The following RALY variants were observed in gnomAD, a reference collection of about 807,000 sequenced individuals.
RALY encodes RALY heterogeneous nuclear ribonucleoprotein.
RALY carries 15 observed loss-of-function variants against 30.7 expected under a neutral mutation model. The ratio of observed to expected loss-of-function variants is 0.49; its 90% confidence interval spans 0.33 to 0.75. The LOEUF (loss-of-function observed/expected upper bound fraction) is 0.75. RALY is among the 30% of genes least tolerant of loss of function. The probability of loss-of-function intolerance (pLI) is 0.02; values close to 1 mark genes in which losing one functional copy is unlikely to be tolerated. For missense variants in RALY, 339 were observed against 414.3 expected, an observed-to-expected ratio of 0.82 and a Z score of 1.58; for synonymous variants, 177 against 170.8, an observed-to-expected ratio of 1.04 and a Z score of -0.28.
intron 1 of RALY, among the ~76,000 whole-genome samples, chr20:34,007,315 A>G (rs907956466): frequency 1.3e-5 from 2 of 152,006 alleles, no homozygotes; most frequent in Non-Finnish European, 2.9e-5. Flanking sequence ...AGGTCAAGAG[A>G]TCAAGACCAT....
At chr20:34,069,061 C>T (rs1010974333) in intron 2 of RALY, among the ~76,000 whole-genome samples, 5 of 152,212 alleles carry the variant, frequency 3.3e-5, no homozygotes, top group Admixed American at 2.6e-4. Context: ...CAACCACATA[C>T]ATACACTTCC....
intron 1 of RALY, among the ~76,000 whole-genome samples, chr20:34,009,902 A>G (rs2031325634): frequency 6.6e-6 from 1 of 152,086 alleles, no homozygotes; most frequent in Non-Finnish European, 1.5e-5. Flanking sequence ...GCTTGCCACC[A>G]AGGTCCAGCC....
chr20:34,014,272 A>G (rs1486318680), intron 1 of RALY, among the ~76,000 whole-genome samples: 1 of 152,174 alleles, frequency 6.6e-6, no homozygotes, highest in Non-Finnish European at 1.5e-5. Flanking sequence ...ACCTACTGGC[A>G]GTTGGATTCA....
intron 1 of RALY, among the ~76,000 whole-genome samples, chr20:34,014,786 C>G (rs189080512): frequency 6.6e-5 from 10 of 152,260 alleles, no homozygotes; most frequent in Admixed American, 6.5e-4. Context: ...TACATTTAAA[C>G]TTTTTTCTTT....
rs755080874 is a variant in RALY at position 34,061,348 on chromosome 20, G to GT, written c.-9-10712dup. ...ACAAGAAAAGGAAAAAAATTGGATAGTTTTTTGTAAATTAGTCTGACACCA... is the reference window on the plus strand; with the variant it reads ...ACAAGAAAAGGAAAAAAATTGGATAGTTTTTTTGTAAATTAGTCTGACACCA... On this transcript the variant is annotated intron_variant, in intron 2 of 9. Coordinates refer to ENST00000246194, the MANE Select transcript of RALY (RefSeq NM_016732.3). 1.3e-4 allele frequency among the ~76,000 whole-genome samples: 20 copies of GT among 152,318 alleles called. 2 individuals carry two copies. The East Asian group carries it at 1.5e-3, about 12-fold the overall frequency.
intron 1 of RALY, among the ~76,000 whole-genome samples, chr20:34,021,328 A>G (rs906519282): frequency 3.3e-5 from 5 of 152,130 alleles, no homozygotes; most frequent in Non-Finnish European, 7.4e-5. Flanking sequence ...GTCATTTACA[A>G]ACAATAGAAG....
chr20:34,043,401 G>A (rs985909753), intron 2 of RALY, among the ~76,000 whole-genome samples: 3 of 152,100 alleles, frequency 2.0e-5, no homozygotes, highest in Non-Finnish European at 4.4e-5. Context: ...TACCACCCAA[G>A]GCCAGATCTT....
In RALY at chr20:34,077,195, C is replaced by T. The variant is rs375835490; in HGVS notation, c.826C>T (p.Arg276Ter). The stretch of plus-strand genomic sequence containing the variant: ...CCTGCCCCAGGGGGAAGCACGGACC[C>T]GAGACGACGGCGATGAGGAAGGGCT... ...AGLPQGEART[R>*]DDGDEEGLLT... The change falls in exon 8 of 10, where the codon CGA becomes TGA. Residue 276 changes from arginine to a stop codon, truncating the protein, a stop_gained. Coordinates refer to ENST00000246194, the MANE Select transcript of RALY (RefSeq NM_016732.3). LOFTEE classifies it high-confidence loss of function. 4 of 1,613,680 alleles carry T rather than the reference C, an allele frequency of 2.5e-6. No homozygotes were observed. Among genetic ancestry groups the T allele is most frequent in the Non-Finnish European group, 3.4e-6 (4 of 1,179,962 alleles).
intron 1 of RALY, among the ~76,000 whole-genome samples, chr20:34,008,480 C>T (rs1405139350): frequency 6.6e-6 from 1 of 152,122 alleles, no homozygotes; most frequent in Admixed American, 6.5e-5. Context: ...AAAGGTATTC[C>T]ATTTAGGGGA....
At chr20:34,028,629 G>A (rs931010855) in intron 1 of RALY, among the ~76,000 whole-genome samples, 6 of 147,508 alleles carry the variant, frequency 4.1e-5, no homozygotes, top group South Asian at 2.2e-4. Context: ...GTGTGAACCC[G>A]GGAGGCGGAG....
At chr20:34,036,625 G>A (rs1202309534) in intron 2 of RALY, among the ~76,000 whole-genome samples, 1 of 152,180 alleles carries the variant, frequency 6.6e-6, no homozygotes, top group Non-Finnish European at 1.5e-5. Context: ...TTCTTTAATT[G>A]TTTGATAGAA....
chr20:34,064,679 TAGTA>T (rs2033518479), intron 2 of RALY, among the ~76,000 whole-genome samples: 1 of 152,174 alleles, frequency 6.6e-6, no homozygotes, highest in Non-Finnish European at 1.5e-5. Flanking sequence ...GGAGATGACA[TAGTA>T]AAGAACATAC....
At chr20:34,047,071 G>A (rs557050264) in intron 2 of RALY, among the ~76,000 whole-genome samples, 92 of 151,966 alleles carry the variant, frequency 6.1e-4, no homozygotes, top group Non-Finnish European at 1.3e-3. Context: ...CTCCCACCTC[G>A]GCCTCCCAAA....
At position 34,031,557 on chromosome 20, in the gene RALY, C is replaced by T. The variant is rs1262549872; in HGVS notation, c.-57C>T. On this transcript the variant is annotated 5_prime_UTR_variant, in exon 2 of 10. Coordinates refer to ENST00000246194, the MANE Select transcript of RALY (RefSeq NM_016732.3). The stretch of plus-strand genomic sequence containing the variant: ...TTCCCAGAGGCAGGTGGTGCTGACC[C>T]TGTAACCCAAAGGAGGAAACAGCTG... The T allele has an allele frequency of 6.6e-6, 1 of 152,164 alleles. No homozygotes were observed. The highest frequency in any genetic ancestry group is 1.5e-5 in the Non-Finnish European group (1 of 68,072). 9.4% of individuals were successfully genotyped at this position (152,164 alleles called of 1,614,324 possible). A position where few individuals can be genotyped will look rare whatever the true frequency, so the allele number is the denominator to read the frequency against.
chr20:34,058,396 G>T (rs1163792415), intron 2 of RALY, among the ~76,000 whole-genome samples: 4 of 152,156 alleles, frequency 2.6e-5, no homozygotes, highest in Non-Finnish European at 4.4e-5. Flanking sequence ...TGCTGCTGCT[G>T]TGGGAGTGAG....
intron 1 of RALY, among the ~76,000 whole-genome samples, chr20:34,021,873 A>C (rs2031836161): frequency 6.6e-6 from 1 of 151,280 alleles, no homozygotes; most frequent in Admixed American, 6.6e-5. Flanking sequence ...TTTTATTATT[A>C]AAAAAATTTT....
chr20:34,001,886 C>T (rs1323915586), intron 1 of RALY, among the ~76,000 whole-genome samples: 1 of 152,160 alleles, frequency 6.6e-6, no homozygotes, highest in East Asian at 1.9e-4. Context: ...CCTGCCTCAG[C>T]CTCCTGAGTA....
rs1187283727 is a variant in RALY at position 34,075,972 on chromosome 20, A to G, written c.476A>G (p.Lys159Arg). The change falls in exon 6 of 10, where the codon AAA becomes AGA. Residue 159 changes from lysine (K) to arginine (R), a missense_variant. By Grantham distance (26) the Lys-to-Arg change is conservative. This residue lies in a region of RALY where 268 missense variants were observed against 280.6 expected (regional missense o/e 0.95). Coordinates refer to ENST00000246194, the MANE Select transcript of RALY (RefSeq NM_016732.3). ...RVTVPLVRRV[K>R]TNVPVKLFAR... ...ACAGTCCCTTTGGTCCGGCGTGTCA[A>G]AACTAACGTACCTGTCAAGCTCTTT... The G allele has an allele frequency of 1.2e-6, 2 of 1,614,256 alleles. No homozygotes were observed. Among genetic ancestry groups the G allele is most frequent in the Middle Eastern group, 1.6e-4 (1 of 6,062 alleles).
At chr20:34,071,314 A>C (rs2122284175) in intron 2 of RALY, among the ~76,000 whole-genome samples, 1 of 150,788 alleles carries the variant, frequency 6.6e-6, no homozygotes, top group South Asian at 2.1e-4. Flanking sequence ...TTTTAGACAG[A>C]GTCTGGCTCT....
Sources: gnomAD v4.1 joint callset for allele counts (sites outside exome capture counted in the v4.1 genomes callset) on GRCh38, gnomAD v4.1.1 for gene constraint, gnomAD v4.1.1 regional missense constraint, MANE v1.5 for transcripts, NCBI Gene and HGNC (gene_info 2026-07-23, HGNC 2026-07-21) for gene names.